GRHL1: variants seen among roughly 807,000 people sequenced by gnomAD.
The protein encoded by GRHL1 is grainyhead like transcription factor 1.
GRHL1 carries 38 observed loss-of-function variants against 75.7 expected under a neutral mutation model. That is an observed-to-expected ratio of 0.50 (90% confidence interval 0.39 to 0.66). The LOEUF (loss-of-function observed/expected upper bound fraction) is 0.66. Ranked by LOEUF, GRHL1 falls within the 30% of genes least tolerant of loss-of-function variation. The pLI, the probability that GRHL1 is intolerant of heterozygous loss-of-function variation, is 0.00. For missense variants in GRHL1, 589 were observed against 767.5 expected (o/e 0.77, Z 2.75); for synonymous variants, 266 against 279.4 (o/e 0.95, Z 0.48).
chr2:9,978,852 G>C (rs1323577576), intron 8 of GRHL1, among the ~76,000 whole-genome samples: 2 of 152,048 alleles, frequency 1.3e-5, no homozygotes, highest in Non-Finnish European at 2.9e-5. Flanking sequence ...TTAGCCATGT[G>C]TGGTGACGGG....
Position 9,961,417 on chromosome 2 carries a change from T to C in GRHL1, c.650T>C (p.Phe217Ser). The C allele has an allele frequency of 6.2e-7, 1 of 1,608,990 alleles. No homozygotes were observed. The highest frequency in any genetic ancestry group is 8.5e-7 in the Non-Finnish European group (1 of 1,175,622). Reference protein sequence around the residue: ...RTPDSTFSETFKEGVQEVFFP... With the variant: ...RTPDSTFSETSKEGVQEVFFP... ...CCAGACTCGACCTTCTCAGAGACCT[T>C]CAAGGAAGGCGTTCAGGAGGTAAGG... The change falls in exon 4 of 16, where the codon TTC (phenylalanine) becomes TCC (serine). Residue 217 changes from phenylalanine (F) to serine (S), a missense_variant. Physicochemically the swap from Phe to Ser is radical, Grantham distance 155. Coordinates refer to ENST00000324907, the MANE Select transcript of GRHL1 (RefSeq NM_198182.3).
At chr2:9,963,855 T>A (rs200587012) in intron 5 of GRHL1, 31 bp from the exon 6 acceptor site, 360 of 1,557,312 alleles carry the variant, frequency 2.3e-4, no homozygotes, top group Middle Eastern at 6.8e-4. Flanking sequence ...GAGAGTAGAT[T>A]TAGAGACCTG....
At chr2:9,981,406 A>T (rs1305877361) in intron 8 of GRHL1, among the ~76,000 whole-genome samples, 1 of 152,256 alleles carries the variant, frequency 6.6e-6, no homozygotes, top group Non-Finnish European at 1.5e-5. Flanking sequence ...CCTCCTCCCT[A>T]TTTACTCCAT....
intron 8 of GRHL1, among the ~76,000 whole-genome samples, chr2:9,973,910 T>C (rs570734736): frequency 3.3e-5 from 5 of 152,312 alleles, no homozygotes; most frequent in South Asian, 2.1e-4. Flanking sequence ...TCATGACTTA[T>C]GTGAAGTCAA....
chr2:9,978,946 G>A (rs1015553201), intron 8 of GRHL1, among the ~76,000 whole-genome samples: 6 of 151,738 alleles, frequency 4.0e-5, no homozygotes, highest in African/African-American at 1.2e-4. Context: ...AGCTGAGATC[G>A]CGCCATTGCA....
intron 8 of GRHL1, among the ~76,000 whole-genome samples, chr2:9,975,664 G>A (rs1236648666): frequency 6.6e-6 from 1 of 151,650 alleles, no homozygotes; most frequent in Non-Finnish European, 1.5e-5. Context: ...TATCACCTGA[G>A]ATCAGGAGTT....
chr2:9,994,826 C>T (rs567414369), intron 12 of GRHL1, among the ~76,000 whole-genome samples: 117 of 152,216 alleles, frequency 7.7e-4, no homozygotes, highest in Non-Finnish European at 1.3e-3. Flanking sequence ...GCCAGGCGTT[C>T]GTTCGATCTG....
At chr2:9,991,881 G>A (rs1668659251) in intron 10 of GRHL1, 126 bp from the exon 11 acceptor site, 2 of 634,396 alleles carry the variant, frequency 3.2e-6, no homozygotes, top group Admixed American at 3.5e-5. Context: ...AGCGTGCCCT[G>A]TTGTATCTTA....
At position 9,968,971 on chromosome 2, in the gene GRHL1, A is replaced by C. The variant is rs115431429; in HGVS notation, c.1110+3590A>C. 7.4e-3 allele frequency among the ~76,000 whole-genome samples: 1,125 copies of C among 152,316 alleles called. 12 individuals carry two copies. The highest frequency in any genetic ancestry group is 0.025 in the African/African-American group (1,036 of 41,570). ...ATGTTTTCTTAGGAAAAATGTTTTT[A>C]TCCCACTTTAAAAATGAACTTTGGG... On this transcript the variant is annotated intron_variant, in intron 8 of 15. Coordinates refer to ENST00000324907, the MANE Select transcript of GRHL1 (RefSeq NM_198182.3). This position sits in a 1 kb window ranked among gnomAD's most constrained non-coding sequence, Gnocchi z 4.7.
intron 8 of GRHL1, among the ~76,000 whole-genome samples, chr2:9,975,745 G>A (rs1473618697): frequency 6.6e-6 from 1 of 151,816 alleles, no homozygotes. Flanking sequence ...AATTATCTGA[G>A]TGTGGTGATG....
chr2:9,977,565 G>T (rs1001785447), intron 8 of GRHL1, among the ~76,000 whole-genome samples: 1 of 152,098 alleles, frequency 6.6e-6, no homozygotes, highest in African/African-American at 2.4e-5. Context: ...CAAGTGATCC[G>T]CCCGCCTCGG....
At chr2:9,979,831 T>C (rs1178461627) in intron 8 of GRHL1, among the ~76,000 whole-genome samples, 1 of 152,258 alleles carries the variant, frequency 6.6e-6, no homozygotes, top group East Asian at 1.9e-4. Context: ...ACTTCACCAC[T>C]TGATGTTTTT....
chr2:9,973,167 G>A (rs1002048360), intron 8 of GRHL1, among the ~76,000 whole-genome samples: 19 of 152,118 alleles, frequency 1.2e-4, no homozygotes, highest in African/African-American at 4.1e-4. Flanking sequence ...GCTGGCTGCC[G>A]CTGAAAGTCT....
intron 7 of GRHL1, chr2:9,964,788 T>G (rs72784430): frequency 0.14 from 24,330 of 168,474 alleles, 2,070 homozygotes; most frequent in Non-Finnish European, 0.19. Flanking sequence ...CTAACCTCTC[T>G]GTGGGCTGTA....
At chr2:9,964,381 G>A in intron 7 of GRHL1, 35 bp downstream of exon 7, 1 of 1,084,694 alleles carries the variant, frequency 9.2e-7, no homozygotes, top group Non-Finnish European at 1.4e-6. Context: ...TATTCCCAGA[G>A]GTGCAGCCAT....
rs1446345917 is a variant in GRHL1, at chr2:9,991,704, C to T, written c.1322-303C>T. On this transcript the variant is annotated intron_variant, in intron 10 of 15. Transcript: ENST00000324907. ...ACACAATTATACATTTTAGCCTTTC[C>T]AATGAAAACTAAATACGCTCTGCCT... Among the ~76,000 whole-genome samples the T allele has an allele frequency of 3.3e-5, 5 of 152,162 alleles. No individual in the cohort carries two copies. In the East Asian group the frequency reaches 7.7e-4, roughly 23 times the overall value.
At chr2:9,998,809 C>T (rs558521889) in intron 14 of GRHL1, among the ~76,000 whole-genome samples, 156 bp from the exon 15 acceptor site, 2 of 52,054 alleles carry the variant, frequency 3.8e-5, no homozygotes, top group Non-Finnish European at 6.1e-5. Context: ...CATATATATA[C>T]GTATATATAT....
At chr2:9,967,075 C>A (rs1667526337) in intron 8 of GRHL1, among the ~76,000 whole-genome samples, 4 of 152,208 alleles carry the variant, frequency 2.6e-5, no homozygotes, top group Admixed American at 2.6e-4. Context: ...ATTCTTAAAG[C>A]AAACTGGAGT....
chr2:9,978,560 G>A (rs1668050316), intron 8 of GRHL1, among the ~76,000 whole-genome samples: 1 of 152,224 alleles, frequency 6.6e-6, no homozygotes, highest in Non-Finnish European at 1.5e-5. Context: ...GAGAACCATT[G>A]AAGGCTATTA....
Sources: gnomAD v4.1 joint callset for allele counts (sites outside exome capture counted in the v4.1 genomes callset) on GRCh38, gnomAD v4.1.1 for gene constraint, Gnocchi (gnomAD v3.1) non-coding constraint, MANE v1.5 for transcripts, NCBI Gene and HGNC (gene_info 2026-07-23, HGNC 2026-07-21) for gene names.